Variants in LHX2 observed in about 807,000 individuals in gnomAD.
LHX2 encodes the protein LIM/homeobox protein Lhx2.
A neutral mutation model predicts 33.0 loss-of-function variants in LHX2; 6 were observed. The observed-to-expected ratio is 0.18, with a 90% CI of 0.10 to 0.36. The LOEUF (loss-of-function observed/expected upper bound fraction) is 0.36. Ranked by LOEUF, LHX2 falls within the 10% of genes least tolerant of loss-of-function variation. The pLI, the probability that LHX2 is intolerant of heterozygous loss-of-function variation, is 1.00. For missense variants in LHX2, 442 were observed against 586.2 expected (o/e 0.75, Z 2.54); for synonymous variants, 292 against 253.1 (o/e 1.15, Z -1.46).
intron 4 of LHX2, among the ~76,000 whole-genome samples, chr9:124,030,973 G>A (rs765007093): frequency 3.3e-5 from 5 of 152,030 alleles, no homozygotes; most frequent in East Asian, 1.9e-4. Context: ...GCTTACAGGC[G>A]TGTGTGCAAA....
rs150224459 is a variant in LHX2, at chr9:124,016,427, G to A, written c.727+902G>A. Among the ~76,000 whole-genome samples, 501 of 152,316 alleles carry A rather than the reference G, an allele frequency of 3.3e-3. 1 individual carries two copies. The highest frequency in any genetic ancestry group is 0.011 in the African/African-American group (478 of 41,570). On this transcript the variant is annotated intron_variant, in intron 3 of 4. Transcript: ENST00000373615. This position sits in a 1 kb window ranked among gnomAD's most constrained non-coding sequence, Gnocchi z 4.4. ...GCCCGGAAAGGTTTATGACTCTCCG[G>A]GCTTCCGAACTAGAGTTTATGTGCA...
chr9:124,018,795 CCT>C (rs1859241766), intron 3 of LHX2, among the ~76,000 whole-genome samples: 1 of 152,208 alleles, frequency 6.6e-6, no homozygotes, highest in South Asian at 2.1e-4. Flanking sequence ...GTCCCTACCC[CCT>C]CTCTCTTTCT....
At chr9:124,017,046 G>C (rs1225039936) in intron 3 of LHX2, among the ~76,000 whole-genome samples, 1 of 152,224 alleles carries the variant, frequency 6.6e-6, no homozygotes, top group Non-Finnish European at 1.5e-5. Context: ...CAAAAAGAGA[G>C]TAGAAGGTAC....
chr9:124,013,751 G>T (rs138989710), intron 1 of LHX2, among the ~76,000 whole-genome samples: 8 of 152,394 alleles, frequency 5.2e-5, no homozygotes, highest in African/African-American at 1.9e-4. Flanking sequence ...TGGCTGGCGA[G>T]GGCTGCGCAG....
intron 4 of LHX2, among the ~76,000 whole-genome samples, chr9:124,029,969 C>A (rs1053105762): frequency 1.3e-5 from 2 of 152,106 alleles, no homozygotes; most frequent in African/African-American, 4.8e-5. Context: ...AAGGGAAGGA[C>A]CCCCCCACCC....
At chr9:124,021,941 G>C (rs1297524112) in intron 4 of LHX2, 1 of 152,516 alleles carries the variant, frequency 6.6e-6, no homozygotes, top group African/African-American at 2.4e-5. Flanking sequence ...AGAGGACATG[G>C]TGGGGTGGGG....
intron 4 of LHX2, among the ~76,000 whole-genome samples, chr9:124,028,282 G>T (rs1163249320): frequency 1.3e-5 from 2 of 152,178 alleles, no homozygotes; most frequent in African/African-American, 4.8e-5. Flanking sequence ...GATCTACCGC[G>T]CACCAGGCTG....
rs10125453 is a variant in LHX2 at position 124,020,739 on chromosome 9, C to T, written c.728-360C>T. On this transcript the variant is annotated intron_variant, in intron 3 of 4. Coordinates refer to ENST00000373615, the MANE Select transcript of LHX2 (RefSeq NM_004789.4). ...ACCTAAAGAAAATGTGCCTGGAAAG[C>T]CCTTTAACACATCACCTGGAGTTCA... 9.7e-3 allele frequency among the ~76,000 whole-genome samples: 1,475 copies of T among 152,290 alleles called. 22 individuals carry two copies. Among genetic ancestry groups the T allele is most frequent in the African/African-American group, 0.034 (1,402 of 41,528 alleles).
At chr9:124,018,546 C>T (rs1340663004) in intron 3 of LHX2, among the ~76,000 whole-genome samples, 1 of 152,176 alleles carries the variant, frequency 6.6e-6, no homozygotes, top group Non-Finnish European at 1.5e-5. Flanking sequence ...TCTCTACTCC[C>T]CCGCCAATAA....
intron 4 of LHX2, among the ~76,000 whole-genome samples, chr9:124,027,844 G>A (rs1311189281): frequency 6.6e-6 from 1 of 152,084 alleles, no homozygotes; most frequent in Non-Finnish European, 1.5e-5. Flanking sequence ...GGCACTTCAT[G>A]AGGAATAGTA....
rs887606540 is a variant in LHX2 at position 124,015,523 on chromosome 9, C to G, written c.725C>G (p.Ala242Gly). The change falls in exon 3 of 5, where the codon GCT becomes GGT. Residue 242 changes from alanine to glycine, a missense_variant and splice_region_variant. Ala to Gly is a moderately conservative substitution (Grantham distance 60). Around this residue, in one of 5 missense-constraint regions of LHX2, gnomAD observed 132 missense variants for 139.1 expected, o/e 0.95. Coordinates refer to ENST00000373615, the MANE Select transcript of LHX2 (RefSeq NM_004789.4). The surrounding 1 kb of genome is among the most constrained non-coding windows in gnomAD (Gnocchi z 7.9). ...GPGADLAAYN[A>G]ALSCNENDAE... ...GGTGCGGATCTGGCGGCCTACAACG[C>G]TGGTGAGTGCGCGGCGCACGAAGCG... The G allele has an allele frequency of 6.9e-7, 1 of 1,459,276 alleles. No homozygotes were observed. The highest frequency in any genetic ancestry group is 9.0e-7 in the Non-Finnish European group (1 of 1,105,364). The allele number at this position is 1,459,276 out of a possible 1,614,324, so 90.4% of individuals were successfully genotyped here.
At chr9:124,027,898 C>T (rs1828651085) in intron 4 of LHX2, among the ~76,000 whole-genome samples, 1 of 135,500 alleles carries the variant, frequency 7.4e-6, no homozygotes, top group Admixed American at 8.1e-5. Context: ...TACCAGAAGG[C>T]ATAGTTTTTT....
chr9:124,020,855 T>G (rs560917395), intron 3 of LHX2, among the ~76,000 whole-genome samples: 1 of 152,258 alleles, frequency 6.6e-6, no homozygotes, highest in South Asian at 2.1e-4. Context: ...CAGAATGATT[T>G]TTGGATTCTC....
rs771077076 is a variant in LHX2 at position 124,021,140 on chromosome 9, GACCAGCCAT to G, written c.773_781del (p.Gln258_Tyr260del). 6.2e-6 allele frequency: 10 copies of G among 1,614,130 alleles called. No homozygotes were observed. In the South Asian group the frequency reaches 8.8e-5, roughly 14 times the overall value. ...AAACGACGCAGAGCACCTGGACCGT[GACCAGCCAT>G]ACCCGAGCAGCCAGAAGACCAAGCG... On this transcript the variant is annotated inframe_deletion, in exon 4 of 5. Coordinates refer to ENST00000373615, the MANE Select transcript of LHX2 (RefSeq NM_004789.4).
At position 124,032,899 on chromosome 9, in the gene LHX2, A is replaced by G; in HGVS notation, c.*192A>G. ...GGTGTGGACCGAGGAACAACTTGGA[A>G]GATCTACCTGCAACACAACATTTGT... is the stretch of plus-strand genomic sequence containing the variant. On this transcript the variant is annotated 3_prime_UTR_variant, in exon 5 of 5. Transcript: ENST00000373615. This position sits in a 1 kb window ranked among gnomAD's most constrained non-coding sequence, Gnocchi z 4.1. The G allele has an allele frequency of 1.8e-6, 1 of 540,802 alleles. No individual in the cohort carries two copies. Among genetic ancestry groups the G allele is most frequent in the Non-Finnish European group, 3.1e-6 (1 of 317,846 alleles). 33.5% of individuals were successfully genotyped at this position (540,802 alleles called of 1,614,324 possible).
intron 4 of LHX2, among the ~76,000 whole-genome samples, chr9:124,030,319 A>G (rs1272583146): frequency 6.6e-6 from 1 of 152,234 alleles, no homozygotes; most frequent in Non-Finnish European, 1.5e-5. Context: ...CACTGGGAAG[A>G]CAGGCAGATG....
At chr9:124,027,361 A>G (rs1828640678) in intron 4 of LHX2, among the ~76,000 whole-genome samples, 2 of 152,234 alleles carry the variant, frequency 1.3e-5, no homozygotes, top group Non-Finnish European at 2.9e-5. Flanking sequence ...GGTTAAGGGC[A>G]TAGAACCAGT....
In LHX2 at chr9:124,015,038, C is replaced by T. The variant is rs181836334; in HGVS notation, c.324-84C>T. On this transcript the variant is annotated intron_variant, in intron 2 of 4. Coordinates refer to ENST00000373615, the MANE Select transcript of LHX2 (RefSeq NM_004789.4). The surrounding 1 kb of genome is among the most constrained non-coding windows in gnomAD (Gnocchi z 7.9). Reference sequence around the variant, plus strand: ...TCGTCTTGAGGAGGGGATTGCCCCCCGCAGCAGCAGCGGCACCTGGAGGAG... The same window carrying T: ...TCGTCTTGAGGAGGGGATTGCCCCCTGCAGCAGCAGCGGCACCTGGAGGAG... 13 of 1,518,936 alleles carry T rather than the reference C, an allele frequency of 8.6e-6. No homozygotes were observed. Among genetic ancestry groups the T allele is most frequent in the African/African-American group, 1.4e-5 (1 of 73,114 alleles). The allele number at this position is 1,518,936 out of a possible 1,614,324, so 94.1% of individuals were successfully genotyped here.
intron 3 of LHX2, among the ~76,000 whole-genome samples, chr9:124,020,545 C>T (rs555807831): frequency 3.9e-5 from 6 of 152,142 alleles, no homozygotes; most frequent in East Asian, 1.9e-4. Context: ...TAGGGGGAGA[C>T]GGCAGAAAGC....
Sources: allele counts gnomAD v4.1 joint callset (sites outside exome capture counted in the v4.1 genomes callset), GRCh38; gene constraint gnomAD v4.1.1; regional missense constraint gnomAD v4.1.1; non-coding constraint Gnocchi (gnomAD v3.1); transcripts MANE v1.5; gene names NCBI Gene and HGNC (gene_info 2026-07-23, HGNC 2026-07-21).